Variants in GNA11 observed in about 807,000 individuals in gnomAD.
The protein encoded by GNA11 is guanine nucleotide-binding protein subunit alpha-11.
In GNA11, 8 loss-of-function variants were observed where a neutral mutation model predicts 38.2. The observed-to-expected ratio is 0.21, with a 90% CI of 0.12 to 0.38. The LOEUF is 0.38. Among genes scored for constraint, GNA11 ranks in the 10% least tolerant of loss-of-function variants. The pLI is 1.00. For synonymous variants in GNA11, 211 were observed against 221.4 expected, an observed-to-expected ratio of 0.95 and a Z score of 0.42; for missense variants, 268 against 516.3, an observed-to-expected ratio of 0.52 and a Z score of 4.66.
chr19:3,122,563 G>A lies in GNA11; in HGVS notation c.*1384G>A, dbSNP rs958430387. ...AGACTCGGAAGGTGGGGAACGAGGG[G>A]ACTGTGTTTGGGGAGGTGGCTTTTT... is the stretch of plus-strand genomic sequence containing the variant. On this transcript the variant is annotated 3_prime_UTR_variant, in exon 7 of 7. Coordinates refer to ENST00000078429, the MANE Select transcript of GNA11 (RefSeq NM_002067.5). The surrounding 1 kb of genome is among the most constrained non-coding windows in gnomAD (Gnocchi z 7.7). 86 of 233,088 alleles carry A rather than the reference G, an allele frequency of 3.7e-4. No homozygotes were observed. The highest frequency in any genetic ancestry group is 1.8e-3 in the African/African-American group (83 of 45,440). 14.4% of individuals were successfully genotyped at this position (233,088 alleles called of 1,614,324 possible). A position where few individuals can be genotyped will look rare whatever the true frequency, so the allele number is the denominator to read the frequency against.
chr19:3,099,783 C>A (rs1599296273), intron 1 of GNA11, among the ~76,000 whole-genome samples: 3 of 152,196 alleles, frequency 2.0e-5, no homozygotes, highest in East Asian at 3.8e-4. Context: ...TGCCGACAGG[C>A]GCTTTCAGGA....
chr19:3,100,800 C>T (rs193069952), intron 1 of GNA11, among the ~76,000 whole-genome samples: 3 of 152,322 alleles, frequency 2.0e-5, no homozygotes, highest in East Asian at 3.9e-4. Context: ...CCATCGGTCA[C>T]GTGGGAAGGC....
Position 3,120,290 on chromosome 19 carries a change from A to G in GNA11, c.890-699A>G, listed in dbSNP as rs1914036261. Among the ~76,000 whole-genome samples the G allele has an allele frequency of 2.0e-5, 3 of 148,916 alleles. No homozygotes were observed. The highest frequency in any genetic ancestry group is 4.3e-4 in the South Asian group (2 of 4,648). ...TGGCGGGGGGCGCTGCACCTGCTCC[A>G]GCCGCACGTGGCCCCTGCCCAGCAG... On this transcript the variant is annotated intron_variant, in intron 6 of 6. Transcript: ENST00000078429. This position sits in a 1 kb window ranked among gnomAD's most constrained non-coding sequence, Gnocchi z 5.9.
Position 3,119,864 on chromosome 19 carries a change from C to T in GNA11, c.889+505C>T, listed in dbSNP as rs957709183. 2.6e-5 allele frequency among the ~76,000 whole-genome samples: 4 copies of T among 151,998 alleles called. No homozygotes were observed. The highest frequency in any genetic ancestry group is 2.1e-4 in the South Asian group (1 of 4,824). ...GCATCCTCCTCTGTGCCCTACTGCC[C>T]CCACCCTCGGACCCGTCCCTCCCTA... On this transcript the variant is annotated intron_variant, in intron 6 of 6. Transcript: ENST00000078429. This position sits in a 1 kb window ranked among gnomAD's most constrained non-coding sequence, Gnocchi z 4.6.
intron 1 of GNA11, among the ~76,000 whole-genome samples, chr19:3,106,728 G>A (rs1269914262): frequency 6.6e-6 from 1 of 152,118 alleles, no homozygotes; most frequent in Non-Finnish European, 1.5e-5. Flanking sequence ...ATGCACGTGT[G>A]TGCTGATGTA....
intron 4 of GNA11, chr19:3,118,657 TCA>T: frequency 2.4e-6 from 1 of 417,480 alleles, no homozygotes; most frequent in Non-Finnish European, 4.3e-6. Flanking sequence ...CTCTGGGTTC[TCA>T]CACCCCCACA....
chr19:3,115,142 G>T, intron 4 of GNA11, 70 bp downstream of exon 4: 13 of 1,547,724 alleles, frequency 8.4e-6, no homozygotes, highest in Non-Finnish European at 1.1e-5. Context: ...GCCGGCTCAT[G>T]CCTGCGCACC....
At chr19:3,106,174 C>T (rs555525295) in intron 1 of GNA11, among the ~76,000 whole-genome samples, 9 of 151,954 alleles carry the variant, frequency 5.9e-5, no homozygotes, top group South Asian at 2.1e-4. Flanking sequence ...GGCTGCCGGT[C>T]GGGTGGGAGC....
At chr19:3,104,256 C>T (rs1054937838) in intron 1 of GNA11, among the ~76,000 whole-genome samples, 1 of 152,246 alleles carries the variant, frequency 6.6e-6, no homozygotes, top group African/African-American at 2.4e-5. Context: ...TTCGTTCCTC[C>T]TGGTTGGCCT....
chr19:3,113,342 C>G lies in GNA11; in HGVS notation c.334C>G (p.Leu112Val), dbSNP rs752795403. 3.7e-6 allele frequency: 6 copies of G among 1,613,266 alleles called. No homozygotes were observed. Among genetic ancestry groups the G allele is most frequent in the Non-Finnish European group, 5.1e-6 (6 of 1,179,926 alleles). Residue 112 changes from leucine (L) to valine (V), a missense_variant, in exon 3 of 7, where the codon CTG (leucine) becomes GTG (valine). Coordinates refer to ENST00000078429, the MANE Select transcript of GNA11 (RefSeq NM_002067.5). ...KYEQNKANAL[L>V]IREVDVEKVT... The stretch of plus-strand genomic sequence containing the variant: ...CCCGCCCTCGCAGGCCAATGCGCTC[C>G]TGATCCGGGAGGTGGACGTGGAGAA...
rs1455309401 is a variant in GNA11 at position 3,105,740 on chromosome 19, C to T, written c.137-4409C>T. Among the ~76,000 whole-genome samples, 5 of 152,198 alleles carry T rather than the reference C, an allele frequency of 3.3e-5. No individual in the cohort carries two copies. The East Asian group carries it at 7.7e-4, about 23-fold the overall frequency. On this transcript the variant is annotated intron_variant, in intron 1 of 6. Coordinates refer to ENST00000078429, the MANE Select transcript of GNA11 (RefSeq NM_002067.5). ...TGGTCAGTGGTCCATTCCTGCCCAG[C>T]GCCGAGCAGCGGTCTGTGCGTGGGG...
At chr19:3,103,886 C>T (rs1415675580) in intron 1 of GNA11, among the ~76,000 whole-genome samples, 4 of 151,888 alleles carry the variant, frequency 2.6e-5, no homozygotes, top group Admixed American at 1.3e-4. Flanking sequence ...GCGGTTTCAC[C>T]GTGTTAGCCA....
At chr19:3,098,870 G>A (rs771662284) in intron 1 of GNA11, among the ~76,000 whole-genome samples, 10 of 152,344 alleles carry the variant, frequency 6.6e-5, no homozygotes, top group Non-Finnish European at 1.3e-4. Flanking sequence ...GACTTGGTCC[G>A]GGCCTGCTCT....
At position 3,120,953 on chromosome 19, in the gene GNA11, G is replaced by A; in HGVS notation, c.890-36G>A. The A allele has an allele frequency of 6.4e-7, 1 of 1,557,002 alleles. No individual in the cohort carries two copies. Among genetic ancestry groups the A allele is most frequent in the Non-Finnish European group, 8.8e-7 (1 of 1,136,846 alleles). ...CCCACGAGTCCCTTGCCCTGGGCCG[G>A]GCTGGGGCACAGCCTCACCCTCTGC... On this transcript the variant is annotated intron_variant, in intron 6 of 6. Coordinates refer to ENST00000078429, the MANE Select transcript of GNA11 (RefSeq NM_002067.5). This position sits in a 1 kb window ranked among gnomAD's most constrained non-coding sequence, Gnocchi z 5.9.
intron 1 of GNA11, among the ~76,000 whole-genome samples, chr19:3,102,310 G>A (rs1786747939): frequency 6.6e-6 from 1 of 152,168 alleles, no homozygotes; most frequent in African/African-American, 2.4e-5. Context: ...TGGGGACTCT[G>A]CTGCTGTGGA....
At chr19:3,107,108 T>C (rs1015289844) in intron 1 of GNA11, among the ~76,000 whole-genome samples, 7 of 152,116 alleles carry the variant, frequency 4.6e-5, no homozygotes, top group African/African-American at 1.4e-4. Context: ...TGGTGGCGCA[T>C]GCCTGTAGTC....
rs552182808 is a variant in GNA11 at position 3,123,493 on chromosome 19, C to T, written c.*2314C>T. The T allele has an allele frequency of 1.7e-5, 4 of 233,324 alleles. No individual in the cohort carries two copies. The highest frequency in any genetic ancestry group is 8.8e-5 in the African/African-American group (4 of 45,486). The allele number at this position is 233,324 out of a possible 1,614,324, so 14.5% of individuals were successfully genotyped here. A position where few individuals can be genotyped will look rare whatever the true frequency, so the allele number is the denominator to read the frequency against. On this transcript the variant is annotated 3_prime_UTR_variant, in exon 7 of 7. Transcript: ENST00000078429. Reference sequence around the variant, plus strand: ...CCCCCACCCTTGCCACGTGTGGGGCCACGTGGGCATGTGGGGTGTGTGTTT... The same window carrying T: ...CCCCCACCCTTGCCACGTGTGGGGCTACGTGGGCATGTGGGGTGTGTGTTT...
chr19:3,103,627 G>A (rs1269246772), intron 1 of GNA11, among the ~76,000 whole-genome samples: 1 of 141,800 alleles, frequency 7.1e-6, no homozygotes, highest in Non-Finnish European at 1.5e-5. Flanking sequence ...TTGGGTTCAA[G>A]CGTTTCTCCT....
rs990055020 is a variant in GNA11, at chr19:3,108,753, T to G, written c.137-1396T>G. Among the ~76,000 whole-genome samples, 1 of 152,238 alleles carries G rather than the reference T, an allele frequency of 6.6e-6. No individual in the cohort carries two copies. Among genetic ancestry groups the G allele is most frequent in the African/African-American group, 2.4e-5 (1 of 41,464 alleles). Reference sequence around the variant, plus strand: ...GGGTTGGGAATGTGGGAGCACTTTGTTGAGTGATCCTGGCTTGGGGTCTCT... The same window carrying G: ...GGGTTGGGAATGTGGGAGCACTTTGGTGAGTGATCCTGGCTTGGGGTCTCT... On this transcript the variant is annotated intron_variant, in intron 1 of 6. Transcript: ENST00000078429. This position sits in a 1 kb window ranked among gnomAD's most constrained non-coding sequence, Gnocchi z 4.5.
Sources: allele counts gnomAD v4.1 joint callset (sites outside exome capture counted in the v4.1 genomes callset), GRCh38; gene constraint gnomAD v4.1.1; non-coding constraint Gnocchi (gnomAD v3.1); transcripts MANE v1.5; gene names NCBI Gene and HGNC (gene_info 2026-07-23, HGNC 2026-07-21).